The following NLRP2 variants were observed in gnomAD, a reference collection of about 807,000 sequenced individuals.
NLRP2 encodes the protein NLR family pyrin domain containing 2.
NLRP2 carries 107 observed loss-of-function variants against 97.2 expected under a neutral mutation model. That is an observed-to-expected ratio of 1.10 (90% CI 0.94 to 1.29). The LOEUF is 1.29. NLRP2 is among the 50% of genes most tolerant of loss of function. NLRP2 has a pLI of 0.00. For missense variants in NLRP2, 1,495 were observed against 1,330.3 expected (o/e 1.12, Z -1.93); for synonymous variants, 663 against 551.5 (o/e 1.20, Z -2.83).
At chr19:54,993,762 G>A (rs987849863) in intron 10 of NLRP2, 5 of 247,422 alleles carry the variant, frequency 2.0e-5, no homozygotes, top group Admixed American at 1.0e-4. Context: ...CCAGCTACTC[G>A]GAAGGCTGGG....
chr19:54,998,313 C>A (rs571908785), intron 12 of NLRP2, among the ~76,000 whole-genome samples: 1 of 152,066 alleles, frequency 6.6e-6, no homozygotes, highest in South Asian at 2.1e-4. Flanking sequence ...CCACCGCACC[C>A]GGCCTGAGTT....
At position 54,983,318 on chromosome 19, in the gene NLRP2, CGGA is replaced by C; in HGVS notation, c.1622_1624del (p.Gly541del). On this transcript the variant is annotated inframe_deletion, in exon 6 of 13. Transcript: ENST00000448584. ...TTGGGGACGTACAGAAGCTGCTTTCCGGAGTAGAAAGACTCAGGAACCCCGACC... is the reference window on the plus strand; with the variant it reads ...TTGGGGACGTACAGAAGCTGCTTTCCGTAGAAAGACTCAGGAACCCCGACC... 4 of 1,614,224 alleles carry C rather than the reference CGGA, an allele frequency of 2.5e-6. No individual in the cohort carries two copies. Among genetic ancestry groups the C allele is most frequent in the Non-Finnish European group, 3.4e-6 (4 of 1,180,032 alleles).
At chr19:54,993,446 C>CAG (rs1177260385) in intron 10 of NLRP2, 3 of 152,194 alleles carry the variant, frequency 2.0e-5, no homozygotes, top group African/African-American at 7.3e-5. Context: ...AGAAAGAAAA[C>CAG]AGAGCTAAGG....
chr19:54,997,595 G>A (rs2146555766), intron 12 of NLRP2, 108 bp downstream of exon 12: 1 of 1,184,294 alleles, frequency 8.4e-7, no homozygotes, highest in South Asian at 1.2e-5. Context: ...CTGGATTACA[G>A]GTTCCCGCCA....
intron 1 of NLRP2, among the ~76,000 whole-genome samples, chr19:54,966,825 C>CTTTTTT (rs1044701142): frequency 1.7e-4 from 13 of 74,986 alleles, no homozygotes; most frequent in African/African-American, 2.9e-4. Context: ...CGCGCCCAGC[C>CTTTTTT]TTTTTTTTTT....
intron 3 of NLRP2, 77 bp downstream of exon 3, chr19:54,974,621 C>A: frequency 1.9e-6 from 2 of 1,042,836 alleles, no homozygotes; most frequent in Non-Finnish European, 3.0e-6. Flanking sequence ...GGAGAATGTG[C>A]TGAGCACTAA....
rs8105894 is a variant in NLRP2 at position 54,977,932 on chromosome 19, C to T, written c.397+109C>T. 3.4e-4 allele frequency: 351 copies of T among 1,032,396 alleles called. No homozygotes were observed. The African/African-American group carries it at 4.8e-3, about 14-fold the overall frequency. 64.0% of individuals were successfully genotyped at this position (1,032,396 alleles called of 1,614,324 possible). A position where few individuals can be genotyped will look rare whatever the true frequency, so the allele number is the denominator to read the frequency against. On this transcript the variant is annotated intron_variant, in intron 4 of 12. Transcript: ENST00000448584. ...CATCTCTCTCCAATCTTTTCCTCCA[C>T]TATTCTTAATGTGCCCACTGTCTCC... is the stretch of plus-strand genomic sequence containing the variant.
At chr19:54,997,151 C>T (rs562496493) in intron 11 of NLRP2, among the ~76,000 whole-genome samples, 166 bp from the exon 12 acceptor site, 4 of 152,268 alleles carry the variant, frequency 2.6e-5, no homozygotes, top group Non-Finnish European at 5.9e-5. Flanking sequence ...GTGATCCATC[C>T]ACCTCGGCCT....
intron 10 of NLRP2, chr19:54,993,192 C>T (rs2072599371): frequency 6.9e-6 from 1 of 144,696 alleles, no homozygotes; most frequent in South Asian, 2.2e-4. Flanking sequence ...GTACTCCAGC[C>T]TGGGTGTCAG....
At chr19:54,984,964 G>C in intron 6 of NLRP2, 83 bp from the exon 7 acceptor site, 1 of 1,306,398 alleles carries the variant, frequency 7.7e-7, no homozygotes, top group Non-Finnish European at 1.1e-6. Context: ...TCATTTGTCA[G>C]GGGTATATGC....
intron 5 of NLRP2, among the ~76,000 whole-genome samples, 183 bp downstream of exon 5, chr19:54,981,865 G>A (rs528019634): frequency 1.1e-4 from 16 of 151,906 alleles, no homozygotes; most frequent in Admixed American, 6.6e-4. Context: ...TGCAACCTCC[G>A]CCTCCCAGGT....
intron 4 of NLRP2, 110 bp from the exon 5 acceptor site, chr19:54,981,507 G>T: frequency 4.0e-6 from 2 of 495,158 alleles, no homozygotes; most frequent in South Asian, 1.6e-5. Flanking sequence ...ATCTGATCCC[G>T]TGCCCCCCCT....
chr19:54,988,865 G>A (rs191997795), intron 8 of NLRP2, among the ~76,000 whole-genome samples: 2 of 151,854 alleles, frequency 1.3e-5, no homozygotes, highest in East Asian at 3.9e-4. Context: ...GATGAACAGG[G>A]CACCTTGAAA....
At chr19:54,967,276 A>T (rs921135584) in intron 1 of NLRP2, among the ~76,000 whole-genome samples, 1 of 152,076 alleles carries the variant, frequency 6.6e-6, no homozygotes, top group Non-Finnish European at 1.5e-5. Flanking sequence ...TGAGGTCGGG[A>T]GTTCGAGACC....
chr19:54,987,072 A>G (rs953070718), intron 8 of NLRP2, among the ~76,000 whole-genome samples: 4 of 149,718 alleles, frequency 2.7e-5, no homozygotes, highest in Non-Finnish European at 4.4e-5. Flanking sequence ...ATTAGTAGAG[A>G]TGGAGTTTTA....
At chr19:54,995,859 CAATG>C (rs1003041117) in intron 11 of NLRP2, among the ~76,000 whole-genome samples, 6 of 151,734 alleles carry the variant, frequency 4.0e-5, no homozygotes, top group African/African-American at 9.7e-5. Flanking sequence ...CTGGCCAACA[CAATG>C]AAGCCCTGTC....
chr19:54,994,261 AT>A lies in NLRP2; in HGVS notation c.2709-5del. On this transcript the variant is annotated splice_polypyrimidine_tract_variant and splice_region_variant and intron_variant, in intron 10 of 12. Transcript: ENST00000448584. ...CGGGTTTGCTTTCTTCCTGTGGTTGATTTCTAGGCTTTGGAACTGCGACATA... is the reference window on the plus strand; with the variant it reads ...CGGGTTTGCTTTCTTCCTGTGGTTGATTCTAGGCTTTGGAACTGCGACATA... 1 of 1,614,094 alleles carries A rather than the reference AT, an allele frequency of 6.2e-7. No individual in the cohort carries two copies. Among genetic ancestry groups the A allele is most frequent in the Non-Finnish European group, 8.5e-7 (1 of 1,180,024 alleles).
chr19:54,983,360 C>G lies in NLRP2; in HGVS notation c.1662C>G (p.Gly554=), dbSNP rs372912265. 3 of 1,614,192 alleles carry G rather than the reference C, an allele frequency of 1.9e-6. No individual in the cohort carries two copies. Among genetic ancestry groups the G allele is most frequent in the Admixed American group, 1.7e-5 (1 of 60,010 alleles). The change falls in exon 6 of 13, where the codon GGC becomes GGG. Residue 554 remains glycine, a synonymous_variant. Transcript: ENST00000448584. ...RLRNPDLIQA[G]YYSFGLANEK... ...GGAACCCCGACCTGATCCAAGCAGGCTACTACTCCTTTGGCCTCGCTAACG... is the reference window on the plus strand; with the variant it reads ...GGAACCCCGACCTGATCCAAGCAGGGTACTACTCCTTTGGCCTCGCTAACG...
chr19:54,985,347 C>A (rs2071985976), intron 7 of NLRP2, 130 bp downstream of exon 7: 2 of 861,050 alleles, frequency 2.3e-6, no homozygotes, highest in African/African-American at 3.4e-5. Flanking sequence ...TGAGAGAGTC[C>A]TGTCCTTAAA....
Sources: gnomAD v4.1 joint callset for allele counts (sites outside exome capture counted in the v4.1 genomes callset) on GRCh38, gnomAD v4.1.1 for gene constraint, MANE v1.5 for transcripts, NCBI Gene and HGNC (gene_info 2026-07-23, HGNC 2026-07-21) for gene names.